FANCC: variants seen among roughly 807,000 people sequenced by gnomAD.
FANCC encodes FA complementation group C.
In FANCC, 55 loss-of-function variants were observed where a neutral mutation model predicts 71.3. The observed-to-expected ratio is 0.77, with a 90% CI of 0.62 to 0.97. FANCC has a LOEUF of 0.97. Among genes scored for constraint, FANCC ranks in the 50% least tolerant of loss-of-function variants. The pLI is 0.00. For missense variants in FANCC, 678 were observed against 670.9 expected, an observed-to-expected ratio of 1.01 and a Z score of -0.12; for synonymous variants, 275 against 244.9, an observed-to-expected ratio of 1.12 and a Z score of -1.15.
At chr9:95,303,134 T>C (rs1271765170) in intron 1 of FANCC, among the ~76,000 whole-genome samples, 6 of 152,228 alleles carry the variant, frequency 3.9e-5, no homozygotes, top group African/African-American at 1.2e-4. Flanking sequence ...GTCCATCCAA[T>C]ACTGCAGGCG....
At position 95,244,642 on chromosome 9, in the gene FANCC, G is replaced by A. The variant is rs530266088; in HGVS notation, c.250+2790C>T. Among the ~76,000 whole-genome samples, 3 of 114,236 alleles carry A rather than the reference G, an allele frequency of 2.6e-5. No individual in the cohort carries two copies. In the East Asian group the frequency reaches 9.0e-4, roughly 34 times the overall value. The allele number at this position is 114,236 out of a possible 152,430, so 74.9% of individuals were successfully genotyped here. A position where few individuals can be genotyped will look rare whatever the true frequency, so the allele number is the denominator to read the frequency against. On this transcript the variant is annotated intron_variant, in intron 3 of 14. Coordinates refer to ENST00000289081, the MANE Select transcript of FANCC (RefSeq NM_000136.3). ...TGCAGTGAGCCGAGATCACGCCACTGCACTCCAGCCTAGGCAACAGAGCAA... is the reference window on the plus strand; with the variant it reads ...TGCAGTGAGCCGAGATCACGCCACTACACTCCAGCCTAGGCAACAGAGCAA...
intron 4 of FANCC, among the ~76,000 whole-genome samples, chr9:95,205,261 A>G (rs1189810644): frequency 6.6e-6 from 1 of 152,204 alleles, no homozygotes; most frequent in East Asian, 1.9e-4. Flanking sequence ...ATAGTATACT[A>G]TGACTTTAGT....
chr9:95,311,736 T>TGTGTGTGTGAA (rs1835417755), intron 1 of FANCC, among the ~76,000 whole-genome samples: 1 of 151,820 alleles, frequency 6.6e-6, no homozygotes, highest in Admixed American at 6.6e-5. Flanking sequence ...TGTGTGTGTG[T>TGTGTGTGTGAA]GTGTGTGTGA....
intron 11 of FANCC, among the ~76,000 whole-genome samples, chr9:95,115,322 T>C (rs2072306081): frequency 6.6e-6 from 1 of 152,166 alleles, no homozygotes; most frequent in Non-Finnish European, 1.5e-5. Flanking sequence ...AAATGCCGGG[T>C]TGCGGATGCC....
At chr9:95,148,634 T>A (rs1352171892) in intron 7 of FANCC, among the ~76,000 whole-genome samples, 1 of 152,222 alleles carries the variant, frequency 6.6e-6, no homozygotes. Context: ...ATACTGCATA[T>A]GAAATATGTC....
intron 1 of FANCC, among the ~76,000 whole-genome samples, chr9:95,284,653 T>C (rs1833566625): frequency 6.6e-6 from 1 of 151,900 alleles, no homozygotes; most frequent in African/African-American, 2.4e-5. Flanking sequence ...GCATACTGGG[T>C]TCTAATCTCA....
At chr9:95,133,533 G>C (rs1213280963) in intron 8 of FANCC, among the ~76,000 whole-genome samples, 1 of 152,208 alleles carries the variant, frequency 6.6e-6, no homozygotes, top group Non-Finnish European at 1.5e-5. Context: ...GGGACGGCCT[G>C]CGTTCTCTGT....
intron 6 of FANCC, among the ~76,000 whole-genome samples, chr9:95,170,039 T>TA (rs1269774369): frequency 5.3e-5 from 8 of 152,336 alleles, no homozygotes; most frequent in Admixed American, 5.2e-4. Flanking sequence ...AGCTGCTTTT[T>TA]AAAAAATCAA....
At chr9:95,157,873 A>C (rs549906202) in intron 6 of FANCC, among the ~76,000 whole-genome samples, 36 of 152,308 alleles carry the variant, frequency 2.4e-4, no homozygotes, top group African/African-American at 8.7e-4. Context: ...TTTCCAGCCT[A>C]AACAGAAGAT....
intron 3 of FANCC, among the ~76,000 whole-genome samples, chr9:95,244,922 TCCATAATTATCTA>T (rs1159409770): frequency 6.6e-6 from 1 of 151,950 alleles, no homozygotes. Context: ...TTGACTCTAA[TCCATAATTATCTA>T]CCCTGCAACA....
chr9:95,214,540 A>T (rs1564759684), intron 4 of FANCC, among the ~76,000 whole-genome samples: 1 of 152,224 alleles, frequency 6.6e-6, no homozygotes, highest in Admixed American at 6.5e-5. Context: ...TCCTGAAGAG[A>T]TATTTGTACA....
rs140519853 is a variant in FANCC, at chr9:95,185,643, C to T, written c.346-13496G>A. 3.9e-3 allele frequency among the ~76,000 whole-genome samples: 595 copies of T among 152,308 alleles called. 8 individuals are homozygous for T. Among genetic ancestry groups the T allele is most frequent in the African/African-American group, 0.013 (534 of 41,554 alleles). ...TTAGGGCACGACAGATTCCATCTAA[C>T]AGATCTGCAATTACCATAGTTCCTT... On this transcript the variant is annotated intron_variant, in intron 4 of 14. Coordinates refer to ENST00000289081, the MANE Select transcript of FANCC (RefSeq NM_000136.3).
intron 4 of FANCC, among the ~76,000 whole-genome samples, chr9:95,195,882 T>A (rs531159033): frequency 2.0e-5 from 3 of 152,362 alleles, no homozygotes; most frequent in Non-Finnish European, 4.4e-5. Flanking sequence ...AAATATATTG[T>A]GTTTTTAGTT....
chr9:95,293,430 G>C, intron 1 of FANCC: 1 of 1,574,766 alleles, frequency 6.4e-7, no homozygotes, highest in African/African-American at 1.4e-5. Context: ...CTCTCTTAAA[G>C]AGAGCCTACT....
At chr9:95,292,775 TCA>T in intron 1 of FANCC, 1 of 1,503,308 alleles carries the variant, frequency 6.7e-7, no homozygotes, top group Non-Finnish European at 9.3e-7. Context: ...GACCATTTTC[TCA>T]GTTTTCTCTC....
intron 4 of FANCC, among the ~76,000 whole-genome samples, chr9:95,224,905 T>C (rs1829518721): frequency 1.3e-5 from 2 of 152,166 alleles, no homozygotes; most frequent in Non-Finnish European, 1.5e-5. Flanking sequence ...TACCATAGAG[T>C]AAAGTACTAT....
chr9:95,160,211 G>A (rs1366124875), intron 6 of FANCC, among the ~76,000 whole-genome samples: 12 of 152,088 alleles, frequency 7.9e-5, no homozygotes, highest in African/African-American at 2.4e-4. Context: ...TATATAAGGT[G>A]TAAGGAAGGG....
chr9:95,240,651 G>A lies in FANCC; in HGVS notation c.343C>T (p.Gln115Ter), dbSNP rs748118992. The A allele has an allele frequency of 3.1e-6, 5 of 1,597,680 alleles. No individual in the cohort carries two copies. The highest frequency in any genetic ancestry group is 1.7e-6 in the Non-Finnish European group (2 of 1,165,352). The change falls in exon 4 of 15, where the codon CAG becomes TAG. Residue 115 changes from glutamine (Q) to a stop codon, truncating the protein, a stop_gained and splice_region_variant. Coordinates refer to ENST00000289081, the MANE Select transcript of FANCC (RefSeq NM_000136.3). LOFTEE classifies it high-confidence loss of function. ...SGQSKLNSWI[Q>*]GVLSHILSAL... ...CAGAGCAAGATTTACTCTCTTACCT[G>A]TATCCAGGAGTTAAGTTTTGATTGT...
chr9:95,134,428 CACTA>C (rs1479107365), intron 8 of FANCC, among the ~76,000 whole-genome samples: 2 of 152,170 alleles, frequency 1.3e-5, no homozygotes, highest in Non-Finnish European at 2.9e-5. Flanking sequence ...GTGTCCCGGC[CACTA>C]ACTAAAGACC....
Sources: allele counts gnomAD v4.1 joint callset (sites outside exome capture counted in the v4.1 genomes callset), GRCh38; gene constraint gnomAD v4.1.1; transcripts MANE v1.5; gene names NCBI Gene and HGNC (gene_info 2026-07-23, HGNC 2026-07-21).